Variants in CLDN22 observed in about 807,000 individuals in gnomAD.
The protein encoded by CLDN22 is claudin 22.
For synonymous variants in CLDN22, 86 were observed against 107.9 expected, an observed-to-expected ratio of 0.80 and a Z score of 1.26; for missense variants, 227 against 252.2, an observed-to-expected ratio of 0.90 and a Z score of 0.68.
Position 183,319,882 on chromosome 4 carries a change from C to G in CLDN22, c.337G>C (p.Asp113His). The G allele has an allele frequency of 1.2e-6, 2 of 1,613,920 alleles. No homozygotes were observed. Among genetic ancestry groups the G allele is most frequent in the Non-Finnish European group, 1.7e-6 (2 of 1,179,864 alleles). The change falls in exon 1 of 1, where the codon GAT becomes CAT. Residue 113 changes from aspartate (D) to histidine (H), a missense_variant. Physicochemically the swap from Asp to His is moderately conservative, Grantham distance 81 (BLOSUM62 -1). Transcript: ENST00000323319. ...AGGATCAGCAGTCGCCTCTTGAGATCTCTCTGACTCTCTCCAATTCTCAAA... is the reference window on the plus strand; with the variant it reads ...AGGATCAGCAGTCGCCTCTTGAGATGTCTCTGACTCTCTCCAATTCTCAAA... ...DCLRIGESQR[D>H]LKRRLLILGG... is the part of the protein sequence containing the mutation.
In CLDN22 at chr4:183,320,107, G is replaced by T. The variant is rs774234870; in HGVS notation, c.112C>A (p.Leu38Met). 10 of 1,614,144 alleles carry T rather than the reference G, an allele frequency of 6.2e-6. No homozygotes were observed. Among genetic ancestry groups the T allele is most frequent in the Non-Finnish European group, 7.6e-6 (9 of 1,180,024 alleles). The stretch of plus-strand genomic sequence containing the variant: ...CAGTTTTCCATTTCATTTAAGTCCA[G>T]GTTGAGGTTCTTCCAGTGTGGCAGG... ...NYLPHWKNLN[L>M]DLNEMENWTM... The change falls in exon 1 of 1, where the codon CTG (leucine) becomes ATG (methionine). Residue 38 changes from leucine to methionine, a missense_variant. Physicochemically the swap from Leu to Met is conservative, Grantham distance 15. Transcript: ENST00000323319.
In CLDN22 at chr4:183,320,202, C is replaced by G; in HGVS notation, c.17G>C (p.Arg6Thr). The change falls in exon 1 of 1, where the codon AGA becomes ACA. Residue 6 changes from arginine to threonine, a missense_variant. Coordinates refer to ENST00000323319, the MANE Select transcript of CLDN22 (RefSeq NM_001111319.3). Reference sequence around the variant, plus strand: ...AACTCCAGCTAGTTGAGCTACAGTTCTAAATACTAAAGCCATTATAATGTC... The same window carrying G: ...AACTCCAGCTAGTTGAGCTACAGTTGTAAATACTAAAGCCATTATAATGTC... MALVFRTVAQLAGVSL... is the reference protein window; with the variant it reads MALVFTTVAQLAGVSL... The G allele has an allele frequency of 6.2e-7, 1 of 1,613,554 alleles. No homozygotes were observed. The highest frequency in any genetic ancestry group is 1.1e-5 in the South Asian group (1 of 90,990).
chr4:183,320,093 T>A lies in CLDN22; in HGVS notation c.126A>T (p.Glu42Asp). 6.2e-7 allele frequency: 1 copy of A among 1,614,152 alleles called. No individual in the cohort carries two copies. Among genetic ancestry groups the A allele is most frequent in the Non-Finnish European group, 8.5e-7 (1 of 1,180,042 alleles). Residue 42 changes from glutamate to aspartate, a missense_variant, in exon 1 of 1, where the codon GAA (glutamate) becomes GAT (aspartate). Transcript: ENST00000323319. ...HWKNLNLDLN[E>D]MENWTMGLWQ... ...AGAGTCCCATGGTCCAGTTTTCCAT[T>A]TCATTTAAGTCCAGGTTGAGGTTCT... is the stretch of plus-strand genomic sequence containing the variant.
Position 183,319,178 on chromosome 4 carries a change from T to G in CLDN22, c.*378A>C. The G allele has an allele frequency of 5.9e-6, 1 of 170,750 alleles. No individual in the cohort carries two copies. Among genetic ancestry groups the G allele is most frequent in the South Asian group, 1.4e-4 (1 of 7,044 alleles). The allele number at this position is 170,750 out of a possible 1,614,324, so 10.6% of individuals were successfully genotyped here. A position where few individuals can be genotyped will look rare whatever the true frequency, so the allele number is the denominator to read the frequency against. ...ATAAATATGCAACAAGACCTCAGGC[T>G]TATTATACTAGGTTATCTTAAACAC... On this transcript the variant is annotated 3_prime_UTR_variant, in exon 1 of 1. Transcript: ENST00000323319.
In CLDN22 at chr4:183,319,384, T is replaced by C. The variant is rs556367577; in HGVS notation, c.*172A>G. 3 of 724,106 alleles carry C rather than the reference T, an allele frequency of 4.1e-6. No homozygotes were observed. In the South Asian group the frequency reaches 5.8e-5, roughly 14 times the overall value. 44.9% of individuals were successfully genotyped at this position (724,106 alleles called of 1,614,324 possible). On this transcript the variant is annotated 3_prime_UTR_variant, in exon 1 of 1. Transcript: ENST00000323319. ...GTCTTGATTGATTTTGGTCTCAGAC[T>C]AGAAGATAAAAATGGTTTACCAGTC...
At position 183,318,209 on chromosome 4, in the gene CLDN22, G is replaced by C. The variant is rs1287456243; in HGVS notation, c.*1347C>G. 1 of 152,530 alleles carries C rather than the reference G, an allele frequency of 6.6e-6. No individual in the cohort carries two copies. Among genetic ancestry groups the C allele is most frequent in the Admixed American group, 6.6e-5 (1 of 15,264 alleles). 9.4% of individuals were successfully genotyped at this position (152,530 alleles called of 1,614,324 possible). A position where few individuals can be genotyped will look rare whatever the true frequency, so the allele number is the denominator to read the frequency against. Reference sequence around the variant, plus strand: ...ACAATTTTGTATATCAGAATCTTAAGTGTTACAGGTACAAAAAGAATATTG... The same window carrying C: ...ACAATTTTGTATATCAGAATCTTAACTGTTACAGGTACAAAAAGAATATTG... On this transcript the variant is annotated 3_prime_UTR_variant, in exon 1 of 1. Transcript: ENST00000323319.
At position 183,319,930 on chromosome 4, in the gene CLDN22, C is replaced by A. The variant is rs760880715; in HGVS notation, c.289G>T (p.Val97Phe). 6 of 1,613,422 alleles carry A rather than the reference C, an allele frequency of 3.7e-6. No homozygotes were observed. Among genetic ancestry groups the A allele is most frequent in the South Asian group, 3.3e-5 (3 of 91,032 alleles). The change falls in exon 1 of 1, where the codon GTC becomes TTC. Residue 97 changes from valine to phenylalanine, a missense_variant. Transcript: ENST00000323319. ...AAACAGTCCAGGCCAAACCCAGAGA[C>A]CAGCAGGCCCAGAAATCCCAGCCCA... is the stretch of plus-strand genomic sequence containing the variant. ...SNGLGFLGLL[V>F]SGFGLDCLRI...
rs1326813978 is a variant in CLDN22, at chr4:183,319,292, C to T, written c.*264G>A. On this transcript the variant is annotated 3_prime_UTR_variant, in exon 1 of 1. Transcript: ENST00000323319. ...ATAGAGATTAATGTTTTATTTACCA[C>T]TTCTGTGCAATCGCTATTTTAAAAT... The T allele has an allele frequency of 2.5e-6, 1 of 394,242 alleles. No homozygotes were observed. The highest frequency in any genetic ancestry group is 4.4e-5 in the East Asian group (1 of 22,654). The allele number at this position is 394,242 out of a possible 1,614,324, so 24.4% of individuals were successfully genotyped here.
In CLDN22 at chr4:183,320,108, G is replaced by A. The variant is rs1208018534; in HGVS notation, c.111C>T (p.Asn37=). 1.2e-6 allele frequency: 2 copies of A among 1,613,984 alleles called. No homozygotes were observed. Among genetic ancestry groups the A allele is most frequent in the African/African-American group, 1.3e-5 (1 of 74,892 alleles). ...TNYLPHWKNL[N]LDLNEMENWT... is the part of the protein sequence containing the mutation. ...AGTTTTCCATTTCATTTAAGTCCAG[G>A]TTGAGGTTCTTCCAGTGTGGCAGGT... Residue 37 remains asparagine (N), a synonymous_variant, in exon 1 of 1, where the codon AAC becomes AAT. Coordinates refer to ENST00000323319, the MANE Select transcript of CLDN22 (RefSeq NM_001111319.3).
Position 183,320,235 on chromosome 4 carries a change from C to T in CLDN22, c.-17G>A, listed in dbSNP as rs778836469. 1.3e-5 allele frequency: 20 copies of T among 1,596,002 alleles called. No homozygotes were observed. In the South Asian group the frequency reaches 1.6e-4, roughly 13 times the overall value. On this transcript the variant is annotated 5_prime_UTR_variant, in exon 1 of 1. Transcript: ENST00000323319. ...TAAAGCCATTATAATGTCCTGAGAG[C>T]TTTAGCCAAACTAACTCCTGCCCTT...
In CLDN22 at chr4:183,319,607, T is replaced by C. The variant is rs1167595007; in HGVS notation, c.612A>G (p.Thr204=). The change falls in exon 1 of 1, where the codon ACA becomes ACG. Residue 204 remains threonine (T), a synonymous_variant. Coordinates refer to ENST00000323319, the MANE Select transcript of CLDN22 (RefSeq NM_001111319.3). The part of the protein sequence containing the change: ...LASGHYAVAQ[T]QDHHQELETR... ...TCTCCAGTTCTTGATGATGATCTTGTGTTTGTGCCACTGCGTAGTGGCCCG... is the reference window on the plus strand; with the variant it reads ...TCTCCAGTTCTTGATGATGATCTTGCGTTTGTGCCACTGCGTAGTGGCCCG... 1.9e-6 allele frequency: 3 copies of C among 1,613,898 alleles called. No homozygotes were observed. Among genetic ancestry groups the C allele is most frequent in the Admixed American group, 3.3e-5 (2 of 59,972 alleles).
At position 183,319,833 on chromosome 4, in the gene CLDN22, G is replaced by A. The variant is rs547166105; in HGVS notation, c.386C>T (p.Ser129Leu). The change falls in exon 1 of 1, where the codon TCG becomes TTG. Residue 129 changes from serine (S) to leucine (L), a missense_variant. By Grantham distance (145) the Ser-to-Leu change is moderately radical (BLOSUM62 -2). Transcript: ENST00000323319. ...GACGGGAACCAGGGCTGTGACTCCC[G>A]AGGCCCAGGACAGAATTCCTCCCAG... ...LILGGILSWA[S>L]GVTALVPVSW... The A allele has an allele frequency of 5.0e-6, 8 of 1,613,946 alleles. No individual in the cohort carries two copies. The South Asian group carries it at 5.5e-5, about 11-fold the overall frequency.
Position 183,319,456 on chromosome 4 carries a change from C to T in CLDN22, c.*100G>A. The T allele has an allele frequency of 7.9e-7, 1 of 1,272,094 alleles. No homozygotes were observed. The highest frequency in any genetic ancestry group is 1.5e-5 in the African/African-American group (1 of 66,950). 78.8% of individuals were successfully genotyped at this position (1,272,094 alleles called of 1,614,324 possible). Reference sequence around the variant, plus strand: ...ATAGCCACAGGAAAAGATGCATTTTCAAAAATCAAAAGCACAGTGAGATGA... The same window carrying T: ...ATAGCCACAGGAAAAGATGCATTTTTAAAAATCAAAAGCACAGTGAGATGA... On this transcript the variant is annotated 3_prime_UTR_variant, in exon 1 of 1. Coordinates refer to ENST00000323319, the MANE Select transcript of CLDN22 (RefSeq NM_001111319.3).
rs764162279 is a variant in CLDN22, at chr4:183,319,707, A to G, written c.512T>C (p.Phe171Ser). ...EFGEALFLGW[F>S]AGLSLLLGGC... is the part of the protein sequence containing the mutation. ...TCCTAGCAGAAGAGAAAGTCCAGCA[A>G]ACCAGCCCAGAAACAGGGCCTCCCC... is the stretch of plus-strand genomic sequence containing the variant. Residue 171 changes from phenylalanine (F) to serine (S), a missense_variant, in exon 1 of 1, where the codon TTT becomes TCT. Phe to Ser is a radical substitution (Grantham distance 155, BLOSUM62 -2). Coordinates refer to ENST00000323319, the MANE Select transcript of CLDN22 (RefSeq NM_001111319.3). 1.9e-6 allele frequency: 3 copies of G among 1,614,032 alleles called. No homozygotes were observed. The highest frequency in any genetic ancestry group is 2.7e-5 in the African/African-American group (2 of 74,906).
In CLDN22 at chr4:183,319,509, G is replaced by T. The variant is rs1022753063; in HGVS notation, c.*47C>A. 6.5e-7 allele frequency: 1 copy of T among 1,527,798 alleles called. No individual in the cohort carries two copies. The highest frequency in any genetic ancestry group is 8.8e-7 in the Non-Finnish European group (1 of 1,135,076). 94.6% of individuals were successfully genotyped at this position (1,527,798 alleles called of 1,614,324 possible). On this transcript the variant is annotated 3_prime_UTR_variant, in exon 1 of 1. Coordinates refer to ENST00000323319, the MANE Select transcript of CLDN22 (RefSeq NM_001111319.3). ...AGAGCGGGACATCCTACCAAATCCA[G>T]TGTTGAGCAAGCGTCTCCTGAACAG...
Position 183,319,497 on chromosome 4 carries a change from C to T in CLDN22, c.*59G>A, listed in dbSNP as rs895345034. The stretch of plus-strand genomic sequence containing the variant: ...AGTGAGATGACTAGAGCGGGACATC[C>T]TACCAAATCCAGTGTTGAGCAAGCG... On this transcript the variant is annotated 3_prime_UTR_variant, in exon 1 of 1. Coordinates refer to ENST00000323319, the MANE Select transcript of CLDN22 (RefSeq NM_001111319.3). 5.4e-6 allele frequency: 8 copies of T among 1,492,220 alleles called. No individual in the cohort carries two copies. The African/African-American group carries it at 9.8e-5, about 18-fold the overall frequency. The allele number at this position is 1,492,220 out of a possible 1,614,324, so 92.4% of individuals were successfully genotyped here. A position where few individuals can be genotyped will look rare whatever the true frequency, so the allele number is the denominator to read the frequency against.
In CLDN22 at chr4:183,319,396, A is replaced by G. The variant is rs2111139904; in HGVS notation, c.*160T>C. 1.3e-6 allele frequency: 1 copy of G among 780,314 alleles called. No homozygotes were observed. The highest frequency in any genetic ancestry group is 2.5e-5 in the East Asian group (1 of 40,096). The allele number at this position is 780,314 out of a possible 1,614,324, so 48.3% of individuals were successfully genotyped here. On this transcript the variant is annotated 3_prime_UTR_variant, in exon 1 of 1. Coordinates refer to ENST00000323319, the MANE Select transcript of CLDN22 (RefSeq NM_001111319.3). ...TTTGGTCTCAGACTAGAAGATAAAA[A>G]TGGTTTACCAGTCTTGGAAAGAAAC... is the stretch of plus-strand genomic sequence containing the variant.
Position 183,318,329 on chromosome 4 carries a change from T to C in CLDN22, c.*1227A>G, listed in dbSNP as rs995924952. 1 of 152,630 alleles carries C rather than the reference T, an allele frequency of 6.6e-6. No homozygotes were observed. The highest frequency in any genetic ancestry group is 2.4e-5 in the African/African-American group (1 of 41,452). 9.5% of individuals were successfully genotyped at this position (152,630 alleles called of 1,614,324 possible). ...ATTGCTTTATCTATATTGTCTTAAATATCAAAAGCTCAGGACTGAACTTAA... is the reference window on the plus strand; with the variant it reads ...ATTGCTTTATCTATATTGTCTTAAACATCAAAAGCTCAGGACTGAACTTAA... On this transcript the variant is annotated 3_prime_UTR_variant, in exon 1 of 1. Transcript: ENST00000323319.
At position 183,319,659 on chromosome 4, in the gene CLDN22, G is replaced by A; in HGVS notation, c.560C>T (p.Ala187Val). The change falls in exon 1 of 1, where the codon GCC becomes GTC. Residue 187 changes from alanine to valine, a missense_variant. Ala to Val is a moderately conservative substitution (Grantham distance 64). Coordinates refer to ENST00000323319, the MANE Select transcript of CLDN22 (RefSeq NM_001111319.3). ...LLGGCLLHCAACSSHAPLASG... is the reference protein window; with the variant it reads ...LLGGCLLHCAVCSSHAPLASG... ...AGCTAGGGGAGCGTGGCTGGAGCAGGCTGCACAGTGGAGCAGACACCCTCC... is the reference window on the plus strand; with the variant it reads ...AGCTAGGGGAGCGTGGCTGGAGCAGACTGCACAGTGGAGCAGACACCCTCC... 6.2e-7 allele frequency: 1 copy of A among 1,614,176 alleles called. No individual in the cohort carries two copies. The highest frequency in any genetic ancestry group is 1.1e-5 in the South Asian group (1 of 91,088).
Sources: allele counts gnomAD v4.1 joint callset, GRCh38; gene constraint gnomAD v4.1.1; transcripts MANE v1.5; gene names NCBI Gene and HGNC (gene_info 2026-07-23, HGNC 2026-07-21).